The following PREX1 variants were observed in gnomAD, a reference collection of about 807,000 sequenced individuals.
PREX1 encodes phosphatidylinositol-3,4,5-trisphosphate dependent Rac exchange factor 1.
PREX1 carries 41 observed loss-of-function variants against 198.3 expected under a neutral mutation model. The ratio of observed to expected loss-of-function variants is 0.21; its 90% CI spans 0.16 to 0.27. The LOEUF (loss-of-function observed/expected upper bound fraction) is 0.27. PREX1 is among the 10% of genes least tolerant of loss of function. The pLI is 1.00. For missense variants in PREX1, 1,620 were observed against 2,200.7 expected, an observed-to-expected ratio of 0.74 and a Z score of 5.28; for synonymous variants, 843 against 887.2, an observed-to-expected ratio of 0.95 and a Z score of 0.89.
chr20:48,813,129 G>A (rs1419275694), intron 1 of PREX1, among the ~76,000 whole-genome samples: 1 of 152,232 alleles, frequency 6.6e-6, no homozygotes, highest in African/African-American at 2.4e-5. Context: ...GCATCCTGCT[G>A]TATCCCAGCA....
At chr20:48,812,227 TA>T (rs2090439385) in intron 1 of PREX1, among the ~76,000 whole-genome samples, 1 of 151,736 alleles carries the variant, frequency 6.6e-6, no homozygotes, top group Non-Finnish European at 1.5e-5. Flanking sequence ...GAAAACTACC[TA>T]AATGCCCCAA....
intron 1 of PREX1, among the ~76,000 whole-genome samples, chr20:48,766,184 T>C (rs1962224): frequency 0.99 from 150,698 of 152,298 alleles, 74,568 homozygotes; most frequent in Middle Eastern, 1. Context: ...AAACAAAGTA[T>C]ACAACAAATG....
At chr20:48,840,987 T>TG in the PREX1 span, among the ~76,000 whole-genome samples, 2 of 151,040 alleles carry the variant, frequency 1.3e-5, no homozygotes, top group Admixed American at 6.6e-5. Flanking sequence ...AATGTGCAGA[T>TG]GGGGGTCTCA....
the PREX1 span, among the ~76,000 whole-genome samples, chr20:48,881,547 T>TA: frequency 6.6e-6 from 1 of 151,662 alleles, no homozygotes; most frequent in Non-Finnish European, 1.5e-5. Flanking sequence ...AGTGCAATGG[T>TA]ACGATCTCAG....
At chr20:48,818,593 G>A (rs750826990) in intron 1 of PREX1, among the ~76,000 whole-genome samples, 2 of 152,224 alleles carry the variant, frequency 1.3e-5, no homozygotes, top group Admixed American at 6.5e-5. Flanking sequence ...CCTCAGGTAC[G>A]CCACTTCCCC....
intron 18 of PREX1, among the ~76,000 whole-genome samples, chr20:48,656,183 A>C (rs1278830763): frequency 6.6e-6 from 1 of 152,202 alleles, no homozygotes; most frequent in East Asian, 1.9e-4. Flanking sequence ...GTTAAATAAA[A>C]GGGAAAAGTG....
chr20:48,847,364 T>C, the PREX1 span, among the ~76,000 whole-genome samples: 1 of 77,232 alleles, frequency 1.3e-5, no homozygotes, highest in African/African-American at 5.3e-5. Context: ...CCTTCTCTTA[T>C]AAAAAAAAAA....
the PREX1 span, among the ~76,000 whole-genome samples, chr20:48,867,954 C>T: frequency 1.3e-5 from 2 of 151,652 alleles, no homozygotes; most frequent in Non-Finnish European, 2.9e-5. Context: ...AGTGATCCTA[C>T]CACCTTGGCC....
the PREX1 span, among the ~76,000 whole-genome samples, chr20:48,854,903 G>T: frequency 6.6e-6 from 1 of 152,166 alleles, no homozygotes; most frequent in African/African-American, 2.4e-5. Context: ...AACCATGTTT[G>T]CACCTGGCTG....
chr20:48,727,879 G>A (rs2090016895), intron 4 of PREX1, among the ~76,000 whole-genome samples: 1 of 152,152 alleles, frequency 6.6e-6, no homozygotes, highest in Non-Finnish European at 1.5e-5. Flanking sequence ...CTCTCCTTCA[G>A]AGAGGCTCCA....
At position 48,782,808 on chromosome 20, in the gene PREX1, G is replaced by A. The variant is rs148822711; in HGVS notation, c.220-34928C>T. 4.3e-4 allele frequency among the ~76,000 whole-genome samples: 65 copies of A among 152,288 alleles called. No individual in the cohort carries two copies. The East Asian group carries it at 0.01, about 24-fold the overall frequency. Reference sequence around the variant, plus strand: ...GCAGCAGGCTCAATAAAGGATTCTCGCTCTCACTGCAGTGTGATGAGGAGT... The same window carrying A: ...GCAGCAGGCTCAATAAAGGATTCTCACTCTCACTGCAGTGTGATGAGGAGT... On this transcript the variant is annotated intron_variant, in intron 1 of 39. Coordinates refer to ENST00000371941, the MANE Select transcript of PREX1 (RefSeq NM_020820.4).
chr20:48,670,840 C>CA lies in PREX1; in HGVS notation c.1666-4486dup, dbSNP rs1301347046. Among the ~76,000 whole-genome samples the CA allele has an allele frequency of 3.3e-5, 5 of 152,346 alleles. No homozygotes were observed. The East Asian group carries it at 9.6e-4, about 29-fold the overall frequency. On this transcript the variant is annotated intron_variant, in intron 14 of 39. Transcript: ENST00000371941. ...ACAACCCCTGCCACACACAAACACA[C>CA]AGAGGATCCTGGTGGCTGTGTGCCC...
the PREX1 span, among the ~76,000 whole-genome samples, chr20:48,837,038 A>G: frequency 6.6e-6 from 1 of 152,156 alleles, no homozygotes; most frequent in Admixed American, 6.6e-5. Flanking sequence ...TCTAACCTTA[A>G]TCTTTCAGAA....
intron 32 of PREX1, among the ~76,000 whole-genome samples, chr20:48,635,336 G>C (rs2089354031): frequency 6.6e-6 from 1 of 152,148 alleles, no homozygotes; most frequent in South Asian, 2.1e-4. Context: ...GATGACACCA[G>C]GTTTCCCTTC....
intron 1 of PREX1, among the ~76,000 whole-genome samples, chr20:48,754,295 G>A (rs546863310): frequency 2.0e-5 from 3 of 152,310 alleles, no homozygotes; most frequent in Non-Finnish European, 4.4e-5. Context: ...AAGGCCCAGC[G>A]CAGTAAAGAC....
chr20:48,649,480 C>T lies in PREX1; in HGVS notation c.3125G>A (p.Gly1042Asp). Residue 1042 changes from glycine (G) to aspartate (D), a missense_variant, in exon 25 of 40, where the codon GGC becomes GAC. Transcript: ENST00000371941. Reference protein sequence around the residue: ...CLPAAEGDPQGQGLHDGSFGP... With the variant: ...CLPAAEGDPQDQGLHDGSFGP... ...GAAGCTGCCATCATGGAGACCCTGG[C>T]CTTGGGGATCACCCTCTGCAGCAGG... 6.2e-7 allele frequency: 1 copy of T among 1,614,108 alleles called. No homozygotes were observed.
At chr20:48,701,937 C>A (rs950296525) in intron 6 of PREX1, among the ~76,000 whole-genome samples, 1 of 152,026 alleles carries the variant, frequency 6.6e-6, no homozygotes, top group African/African-American at 2.4e-5. Context: ...AAGAGGCTGG[C>A]CGGGCGCAGT....
intron 15 of PREX1, among the ~76,000 whole-genome samples, chr20:48,663,974 T>G (rs1009694255): frequency 6.6e-6 from 1 of 152,136 alleles, no homozygotes; most frequent in African/African-American, 2.4e-5. Flanking sequence ...TCCCAGAACC[T>G]GGCACGGTGC....
intron 1 of PREX1, among the ~76,000 whole-genome samples, chr20:48,768,824 G>A (rs2090221148): frequency 1.3e-5 from 2 of 152,058 alleles, no homozygotes. Context: ...AGACTGGCAA[G>A]GGGCTCAAGG....
Sources: gnomAD v4.1 joint callset for allele counts (sites outside exome capture counted in the v4.1 genomes callset) on GRCh38, gnomAD v4.1.1 for gene constraint, MANE v1.5 for transcripts, NCBI Gene and HGNC (gene_info 2026-07-23, HGNC 2026-07-21) for gene names.